BCLAF3: variants seen among roughly 807,000 people sequenced by gnomAD.
The protein encoded by BCLAF3 is transient octamer binding factor 1.
In BCLAF3, 24 loss-of-function variants were observed where a neutral mutation model predicts 51.2. The ratio of observed to expected loss-of-function variants is 0.47; its 90% CI spans 0.34 to 0.66. The LOEUF (loss-of-function observed/expected upper bound fraction) is 0.66, where lower values mean the gene tolerates loss of function less well. Ranked by LOEUF, BCLAF3 falls within the 30% of genes least tolerant of loss-of-function variation. The pLI is 0.01. For synonymous variants in BCLAF3, 152 were observed against 176.6 expected, an observed-to-expected ratio of 0.86 and a Z score of 1.10; for missense variants, 465 against 525.1, an observed-to-expected ratio of 0.89 and a Z score of 1.12.
At chrX:19,977,433 T>C (rs183533296) in intron 1 of BCLAF3, among the ~76,000 whole-genome samples, 206 of 112,028 alleles carry the variant, frequency 1.8e-3, no homozygotes, top group Non-Finnish European at 2.4e-3. Flanking sequence ...TGGAGAAAGT[T>C]TGAGTGGTCC....
intron 11 of BCLAF3, among the ~76,000 whole-genome samples, chrX:19,922,637 C>T (rs2070207045): frequency 9.0e-6 from 1 of 111,202 alleles, no homozygotes; most frequent in Admixed American, 9.6e-5. Flanking sequence ...GTGGCTCATG[C>T]CTGTAATCCC....
At chrX:19,971,941 G>A (rs922766638) in intron 1 of BCLAF3, among the ~76,000 whole-genome samples, 4 of 111,651 alleles carry the variant, frequency 3.6e-5, no homozygotes, top group Admixed American at 9.5e-5. Context: ...TTTAAAAGGC[G>A]GTCCTCATAC....
chrX:19,961,608 A>G (rs1330564912), intron 4 of BCLAF3, among the ~76,000 whole-genome samples: 1 of 112,496 alleles, frequency 8.9e-6, no homozygotes, highest in African/African-American at 3.2e-5. Context: ...AAAAAAATCT[A>G]ATTTATTTTA....
intron 9 of BCLAF3, among the ~76,000 whole-genome samples, chrX:19,937,007 CA>C (rs2070788463): frequency 1.8e-5 from 2 of 111,395 alleles, no homozygotes; most frequent in South Asian, 7.4e-4. Context: ...GTGTTGTTCC[CA>C]AAAAATCTTT....
At chrX:19,965,022 A>G in intron 4 of BCLAF3, 22 bp downstream of exon 4, 1 of 1,088,079 alleles carries the variant, frequency 9.2e-7, no homozygotes, top group Non-Finnish European at 1.2e-6. Context: ...TAAATATCAT[A>G]AAGAAAAAAC....
At chrX:19,971,151 G>A (rs981852658) in intron 1 of BCLAF3, among the ~76,000 whole-genome samples, 6 of 112,236 alleles carry the variant, frequency 5.3e-5, no homozygotes, top group Admixed American at 9.4e-5. Context: ...GTGCAGTGGT[G>A]CGATCACAGT....
intron 1 of BCLAF3, among the ~76,000 whole-genome samples, chrX:19,989,994 G>A (rs1433656858): frequency 1.8e-5 from 2 of 110,677 alleles, no homozygotes; most frequent in East Asian, 5.6e-4. Context: ...TAAAGTCCTC[G>A]TTATGAATCT....
chrX:19,948,185 A>G (rs950311162), intron 8 of BCLAF3, among the ~76,000 whole-genome samples: 3 of 111,647 alleles, frequency 2.7e-5, no homozygotes, highest in Non-Finnish European at 5.6e-5. Flanking sequence ...AAACTCATCA[A>G]TTCCACTCCT....
intron 11 of BCLAF3, among the ~76,000 whole-genome samples, chrX:19,926,213 T>C (rs1176547105): frequency 1.8e-5 from 2 of 111,235 alleles, no homozygotes; most frequent in African/African-American, 3.3e-5. Context: ...AAAAATCCAG[T>C]GTGTTGAGAC....
At chrX:19,988,450 G>A (rs746261626) in intron 1 of BCLAF3, among the ~76,000 whole-genome samples, 1 of 111,549 alleles carries the variant, frequency 9.0e-6, no homozygotes, top group African/African-American at 3.3e-5. Context: ...ACCTCAAGAT[G>A]CTTCTGTGCT....
At chrX:19,938,042 C>T (rs749769254) in intron 8 of BCLAF3, among the ~76,000 whole-genome samples, 14 of 111,006 alleles carry the variant, frequency 1.3e-4, no homozygotes, top group Non-Finnish European at 1.5e-4. Context: ...ACCACAGCAG[C>T]GAAGGACAGC....
At chrX:19,988,240 C>T (rs1429288931) in intron 1 of BCLAF3, among the ~76,000 whole-genome samples, 1 of 112,030 alleles carries the variant, frequency 8.9e-6, no homozygotes, top group African/African-American at 3.2e-5. Flanking sequence ...CTTTATATAG[C>T]GCTTTTAAAT....
At chrX:19,951,983 C>T in intron 7 of BCLAF3, among the ~76,000 whole-genome samples, 1 of 111,631 alleles carries the variant, frequency 9.0e-6, no homozygotes, top group Non-Finnish European at 1.9e-5. Context: ...AGAGATTTTA[C>T]ATAAAAGGAA....
At chrX:19,979,353 C>G (rs993778241) in intron 1 of BCLAF3, among the ~76,000 whole-genome samples, 7 of 111,596 alleles carry the variant, frequency 6.3e-5, no homozygotes, top group Non-Finnish European at 9.4e-5. Context: ...GACCCTTCAT[C>G]AGTAGAAAGA....
intron 4 of BCLAF3, among the ~76,000 whole-genome samples, chrX:19,959,958 G>C (rs759331511): frequency 1.6e-4 from 17 of 109,498 alleles, no homozygotes; most frequent in African/African-American, 5.6e-4. Context: ...ACTACACCTG[G>C]CTAATTTTTG....
At chrX:19,948,826 A>G (rs2071393005) in intron 8 of BCLAF3, among the ~76,000 whole-genome samples, 1 of 110,036 alleles carries the variant, frequency 9.1e-6, no homozygotes, top group Non-Finnish European at 1.9e-5. Context: ...GGATTAGACA[A>G]ATCCATAGAT....
chrX:19,963,062 G>A (rs950374543), intron 4 of BCLAF3, among the ~76,000 whole-genome samples: 11 of 108,584 alleles, frequency 1.0e-4, no homozygotes, highest in Non-Finnish European at 1.9e-4. Flanking sequence ...TCCAGCCTGG[G>A]TGACAGAGCG....
chrX:19,979,489 A>G (rs1306344790), intron 1 of BCLAF3, among the ~76,000 whole-genome samples: 3 of 111,684 alleles, frequency 2.7e-5, no homozygotes, highest in Non-Finnish European at 5.6e-5. Context: ...GCAGTATAGC[A>G]TAAACATAAC....
rs369420847 is a variant in BCLAF3 at position 19,987,811 on chromosome X, T to C, written c.-35+3097A>G. Among the ~76,000 whole-genome samples, 4 of 112,114 alleles carry C rather than the reference T, an allele frequency of 3.6e-5. No individual in the cohort carries two copies. The East Asian group carries it at 8.3e-4, about 23-fold the overall frequency. On this transcript the variant is annotated intron_variant, in intron 1 of 11. Transcript: ENST00000379682. ...TAAGTGTTGTACACGTACTATGTCATGTAATCCTCACAACAAACACATGAG... is the reference window on the plus strand; with the variant it reads ...TAAGTGTTGTACACGTACTATGTCACGTAATCCTCACAACAAACACATGAG...
Sources: gnomAD v4.1 joint callset for allele counts (sites outside exome capture counted in the v4.1 genomes callset) on GRCh38, gnomAD v4.1.1 for gene constraint, MANE v1.5 for transcripts, NCBI Gene and HGNC (gene_info 2026-07-23, HGNC 2026-07-21) for gene names.